The following NCOA2 variants were observed in gnomAD, a reference collection of about 807,000 sequenced individuals.
NCOA2 encodes the protein class E basic helix-loop-helix protein 75.
In NCOA2, 21 loss-of-function variants were observed where a neutral mutation model predicts 145.1. That is an observed-to-expected ratio of 0.14 (90% CI 0.10 to 0.21). The LOEUF (loss-of-function observed/expected upper bound fraction) is 0.21. NCOA2 is among the 10% of genes least tolerant of loss of function. NCOA2 has a pLI of 1.00. For synonymous variants in NCOA2, 619 were observed against 637.5 expected (o/e 0.97, Z 0.44); for missense variants, 1,472 against 1,837.6 (o/e 0.80, Z 3.64).
At chr8:70,249,226 T>C (rs531498693) in intron 2 of NCOA2, among the ~76,000 whole-genome samples, 16 of 152,290 alleles carry the variant, frequency 1.1e-4, no homozygotes, top group Admixed American at 6.5e-5. Context: ...GCAGACACCA[T>C]ACCTTTTATC....
At chr8:70,321,206 T>C (rs565998306) in intron 1 of NCOA2, among the ~76,000 whole-genome samples, 4 of 152,228 alleles carry the variant, frequency 2.6e-5, no homozygotes, top group Non-Finnish European at 4.4e-5. Context: ...AACAGTGTAT[T>C]ATACACATCA....
At chr8:70,234,195 C>T (rs184273901) in intron 2 of NCOA2, among the ~76,000 whole-genome samples, 21 of 152,304 alleles carry the variant, frequency 1.4e-4, no homozygotes, top group Admixed American at 1.1e-3. Context: ...ATCAGTACTT[C>T]ATTTCTTTTT....
At chr8:70,246,027 T>C (rs1822590059) in intron 2 of NCOA2, among the ~76,000 whole-genome samples, 1 of 152,144 alleles carries the variant, frequency 6.6e-6, no homozygotes, top group Admixed American at 6.6e-5. Flanking sequence ...AAGAAAAATA[T>C]TCCCATGGCC....
chr8:70,259,805 TTC>T (rs1468973473), intron 2 of NCOA2, among the ~76,000 whole-genome samples: 1 of 152,220 alleles, frequency 6.6e-6, no homozygotes, highest in Non-Finnish European at 1.5e-5. Context: ...TATTACAAAC[TTC>T]TGTGTTTTGT....
intron 15 of NCOA2, among the ~76,000 whole-genome samples, chr8:70,132,549 C>T (rs927185317): frequency 6.6e-6 from 1 of 152,146 alleles, no homozygotes; most frequent in African/African-American, 2.4e-5. Context: ...CTTAGTCATG[C>T]ACAAGCAGGC....
In NCOA2 at chr8:70,385,963, T is replaced by A. The variant is rs377129755; in HGVS notation, c.-77+17737A>T. 3.6e-4 allele frequency among the ~76,000 whole-genome samples: 55 copies of A among 152,356 alleles called. No individual in the cohort carries two copies. The South Asian group carries it at 0.011, about 31-fold the overall frequency. ...CACATTAGTTACTTTAGTGCACGGTTTTCTTCTCTTTCTGCTATTGAGAAA... is the reference window on the plus strand; with the variant it reads ...CACATTAGTTACTTTAGTGCACGGTATTCTTCTCTTTCTGCTATTGAGAAA... On this transcript the variant is annotated intron_variant, in intron 1 of 22. Transcript: ENST00000452400.
At chr8:70,425,141 T>C in the NCOA2 span, among the ~76,000 whole-genome samples, 2 of 152,196 alleles carry the variant, frequency 1.3e-5, no homozygotes, top group Non-Finnish European at 2.9e-5. Context: ...AAAGCTGGAA[T>C]TCAGTTAGCA....
At chr8:70,453,051 A>G in the NCOA2 span, among the ~76,000 whole-genome samples, 3 of 152,220 alleles carry the variant, frequency 2.0e-5, no homozygotes, top group Non-Finnish European at 4.4e-5. Flanking sequence ...CTTGAAGAGT[A>G]AGGGTTAATA....
chr8:70,319,010 GA>G (rs953863597), intron 1 of NCOA2, among the ~76,000 whole-genome samples: 1 of 152,036 alleles, frequency 6.6e-6, no homozygotes, highest in Non-Finnish European at 1.5e-5. Context: ...GCTCTTTCTT[GA>G]AAAAAACTTC....
At chr8:70,450,447 C>T in the NCOA2 span, among the ~76,000 whole-genome samples, 1 of 152,128 alleles carries the variant, frequency 6.6e-6, no homozygotes, top group Non-Finnish European at 1.5e-5. Context: ...TTGCCGGTAA[C>T]TTGATCTTGG....
intron 4 of NCOA2, among the ~76,000 whole-genome samples, chr8:70,211,382 C>T (rs1818998983): frequency 6.6e-6 from 1 of 151,888 alleles, no homozygotes. Flanking sequence ...TCGCTTGAAC[C>T]CAGAAGGTGG....
intron 1 of NCOA2, among the ~76,000 whole-genome samples, chr8:70,373,942 A>C (rs1177068350): frequency 6.6e-6 from 1 of 152,206 alleles, no homozygotes; most frequent in Admixed American, 6.5e-5. Context: ...AGAGTGTAAA[A>C]GTTCCAACCT....
At chr8:70,313,828 A>C (rs1805321087) in intron 1 of NCOA2, among the ~76,000 whole-genome samples, 1 of 152,126 alleles carries the variant, frequency 6.6e-6, no homozygotes, top group South Asian at 2.1e-4. Context: ...CCATTTTATA[A>C]TTCAGAAGGT....
intron 2 of NCOA2, among the ~76,000 whole-genome samples, chr8:70,231,051 C>T (rs1404114935): frequency 6.6e-6 from 1 of 152,140 alleles, no homozygotes. Context: ...ATCCACATTT[C>T]TGATTATATA....
chr8:70,195,501 T>C (rs1271024476), intron 4 of NCOA2, among the ~76,000 whole-genome samples: 1 of 152,110 alleles, frequency 6.6e-6, no homozygotes, highest in Non-Finnish European at 1.5e-5. Context: ...AAGTAAGGGG[T>C]CCTGAAGCTT....
chr8:70,317,641 G>T (rs1165189642), intron 1 of NCOA2, among the ~76,000 whole-genome samples: 1 of 152,146 alleles, frequency 6.6e-6, no homozygotes, highest in Admixed American at 6.5e-5. Flanking sequence ...AGATAATTTA[G>T]AATTACAATG....
chr8:70,294,970 T>A (rs929160609), intron 2 of NCOA2, among the ~76,000 whole-genome samples: 1 of 152,218 alleles, frequency 6.6e-6, no homozygotes, highest in African/African-American at 2.4e-5. Flanking sequence ...CCTAAAATTT[T>A]ACTTTCAATA....
intron 1 of NCOA2, among the ~76,000 whole-genome samples, chr8:70,403,134 GCTC>G (rs1281429324): frequency 6.6e-6 from 1 of 150,898 alleles, no homozygotes; most frequent in Non-Finnish European, 1.5e-5. Flanking sequence ...CCCTCGCCCG[GCTC>G]CCACTCTCCG....
chr8:70,233,050 T>C (rs934726055), intron 2 of NCOA2, among the ~76,000 whole-genome samples: 6 of 151,652 alleles, frequency 4.0e-5, no homozygotes, highest in Non-Finnish European at 8.8e-5. Context: ...CATGGTGAAA[T>C]CCCATCTCTA....
Sources: gnomAD v4.1 joint callset for allele counts (sites outside exome capture counted in the v4.1 genomes callset) on GRCh38, gnomAD v4.1.1 for gene constraint, MANE v1.5 for transcripts, NCBI Gene and HGNC (gene_info 2026-07-23, HGNC 2026-07-21) for gene names.